RSPH14: variants seen among roughly 807,000 people sequenced by gnomAD.
The protein encoded by RSPH14 is radial spoke head 14 homolog.
Under a neutral mutation model 26.7 loss-of-function variants are expected in RSPH14, and 20 were observed. The ratio of observed to expected loss-of-function variants is 0.75; its 90% CI spans 0.53 to 1.09. The LOEUF (loss-of-function observed/expected upper bound fraction) is 1.09. RSPH14 is among the 50% of genes least tolerant of loss of function. RSPH14 has a pLI of 0.00. For missense variants in RSPH14, 449 were observed against 457.2 expected (o/e 0.98, Z 0.16); for synonymous variants, 177 against 189.3 (o/e 0.93, Z 0.53).
At chr22:23,130,957 C>T (rs1433790703) in intron 4 of RSPH14, among the ~76,000 whole-genome samples, 5 of 152,232 alleles carry the variant, frequency 3.3e-5, no homozygotes, top group African/African-American at 9.6e-5. Context: ...CCTGGCCCAG[C>T]GATGCCCTCC....
At chr22:23,059,771 A>C in intron 6 of RSPH14, 53 bp from the exon 7 acceptor site, 1 of 1,476,318 alleles carries the variant, frequency 6.8e-7, no homozygotes, top group Non-Finnish European at 8.9e-7. Flanking sequence ...CCCTCTTCTC[A>C]CCCCCTCTCA....
intron 4 of RSPH14, among the ~76,000 whole-genome samples, chr22:23,100,690 C>T (rs2069275189): frequency 6.6e-6 from 1 of 152,236 alleles, no homozygotes; most frequent in Non-Finnish European, 1.5e-5. Context: ...GAGCAGAGGG[C>T]CTGGCACACA....
chr22:23,106,283 C>T (rs1238780686), intron 4 of RSPH14, among the ~76,000 whole-genome samples: 1 of 152,248 alleles, frequency 6.6e-6, no homozygotes, highest in Non-Finnish European at 1.5e-5. Flanking sequence ...GGGGTGGCGC[C>T]TTGGGCCTGT....
chr22:23,140,589 G>C, intron 1 of RSPH14, 117 bp from the exon 2 acceptor site: 1 of 1,172,432 alleles, frequency 8.5e-7, no homozygotes, highest in East Asian at 2.6e-5. Flanking sequence ...TTTTACAGAT[G>C]AGCAAACTGA....
chr22:23,162,536 A>C, the RSPH14 span: 1 of 429,640 alleles, frequency 2.3e-6, no homozygotes, highest in Non-Finnish European at 4.7e-6. Context: ...TGCCAAGTCT[A>C]GCATGTTCCT....
At chr22:23,100,004 A>C (rs954835777) in intron 4 of RSPH14, among the ~76,000 whole-genome samples, 2 of 152,284 alleles carry the variant, frequency 1.3e-5, no homozygotes, top group Admixed American at 6.5e-5. Flanking sequence ...GTAAAGCATC[A>C]AATGTTCTCA....
At chr22:23,151,945 T>C in the RSPH14 span, among the ~76,000 whole-genome samples, 2 of 152,118 alleles carry the variant, frequency 1.3e-5, no homozygotes, top group African/African-American at 4.8e-5. Context: ...CAGGGCACGG[T>C]GGTGTCATGG....
At chr22:23,152,905 C>G in the RSPH14 span, 32 of 710,824 alleles carry the variant, frequency 4.5e-5, no homozygotes, top group African/African-American at 4.4e-4. Flanking sequence ...CACCCATGGC[C>G]TGCGTGGACC....
At chr22:23,154,821 C>T in the RSPH14 span, among the ~76,000 whole-genome samples, 3 of 152,254 alleles carry the variant, frequency 2.0e-5, no homozygotes, top group South Asian at 6.2e-4. Flanking sequence ...CATACTGGAT[C>T]ACTTGAAAAA....
the RSPH14 span, chr22:23,152,543 G>A: frequency 6.2e-7 from 1 of 1,613,212 alleles, no homozygotes; most frequent in Non-Finnish European, 8.5e-7. Flanking sequence ...GGCTTCCTCT[G>A]CCCCTTTGGC....
intron 4 of RSPH14, chr22:23,096,139 C>G: frequency 6.2e-7 from 1 of 1,612,628 alleles, no homozygotes; most frequent in Non-Finnish European, 8.5e-7. Flanking sequence ...GCGAGTACCA[C>G]CTGGAGGACA....
At chr22:23,122,794 C>G (rs1425382186) in intron 4 of RSPH14, 1 of 462,858 alleles carries the variant, frequency 2.2e-6, no homozygotes, top group Non-Finnish European at 3.9e-6. Flanking sequence ...CTTGGCACAT[C>G]TGTAGCCCCA....
the RSPH14 span, among the ~76,000 whole-genome samples, chr22:23,173,412 G>C: frequency 6.6e-6 from 1 of 151,782 alleles, no homozygotes; most frequent in South Asian, 2.1e-4. Context: ...GAGATTACAG[G>C]CATCAGCCAC....
At chr22:23,076,152 C>G (rs1386654738) in intron 4 of RSPH14, among the ~76,000 whole-genome samples, 1 of 152,178 alleles carries the variant, frequency 6.6e-6, no homozygotes, top group East Asian at 1.9e-4. Flanking sequence ...GGTGGGGCCT[C>G]TATGTAGAAC....
chr22:23,152,408 T>C, the RSPH14 span: 1 of 1,591,794 alleles, frequency 6.3e-7, no homozygotes, highest in South Asian at 1.1e-5. Context: ...TGTGAGTGTC[T>C]GAAGACACCC....
At chr22:23,104,534 C>T (rs1306952307) in intron 4 of RSPH14, among the ~76,000 whole-genome samples, 1 of 152,198 alleles carries the variant, frequency 6.6e-6, no homozygotes, top group African/African-American at 2.4e-5. Context: ...TAGCTCTGCT[C>T]AGTACACACA....
At chr22:23,102,157 C>T (rs992393512) in intron 4 of RSPH14, among the ~76,000 whole-genome samples, 11 of 152,240 alleles carry the variant, frequency 7.2e-5, no homozygotes, top group African/African-American at 1.2e-4. Flanking sequence ...AGGACTCAGC[C>T]TTAACTGGGG....
intron 4 of RSPH14, among the ~76,000 whole-genome samples, chr22:23,065,226 T>C (rs749867808): frequency 6.6e-6 from 1 of 152,126 alleles, no homozygotes; most frequent in Non-Finnish European, 1.5e-5. Flanking sequence ...CCCAACCTTC[T>C]TCCCCCACTC....
At chr22:23,086,139 T>C (rs1437799587) in intron 4 of RSPH14, among the ~76,000 whole-genome samples, 1 of 152,248 alleles carries the variant, frequency 6.6e-6, no homozygotes, top group Non-Finnish European at 1.5e-5. Context: ...TGAAGTACAT[T>C]TTTTAAGTAA....
Sources: gnomAD v4.1 joint callset for allele counts (sites outside exome capture counted in the v4.1 genomes callset) on GRCh38, gnomAD v4.1.1 for gene constraint, MANE v1.5 for transcripts, NCBI Gene and HGNC (gene_info 2026-07-23, HGNC 2026-07-21) for gene names.